The following FAM161A variants were observed in gnomAD, a reference collection of about 807,000 sequenced individuals.
The protein encoded by FAM161A is protein FAM161A.
In FAM161A, 57 loss-of-function variants were observed where a neutral mutation model predicts 70.9. The ratio of observed to expected loss-of-function variants is 0.80; its 90% CI spans 0.65 to 1.00. The LOEUF (loss-of-function observed/expected upper bound fraction) is 1.00, where lower values mean the gene tolerates loss of function less well. Among genes scored for constraint, FAM161A ranks in the 50% least tolerant of loss-of-function variants. The pLI is 0.00. For missense variants in FAM161A, 880 were observed against 836.0 expected (o/e 1.05, Z -0.65); for synonymous variants, 299 against 295.7 (o/e 1.01, Z -0.12).
intron 1 of FAM161A, among the ~76,000 whole-genome samples, chr2:61,843,255 G>A (rs1387436168): frequency 6.6e-6 from 1 of 152,120 alleles, no homozygotes; most frequent in African/African-American, 2.4e-5. Flanking sequence ...AGACTCCCAA[G>A]TAGCTGGGAT....
At chr2:61,813,827 G>T in the FAM161A span, among the ~76,000 whole-genome samples, 1 of 152,100 alleles carries the variant, frequency 6.6e-6, no homozygotes, top group African/African-American at 2.4e-5. Flanking sequence ...TTATGTATTG[G>T]TCGTTCACTC....
downstream of FAM161A, among the ~76,000 whole-genome samples, chr2:61,821,160 C>T (rs972503535): frequency 2.0e-5 from 3 of 151,746 alleles, no homozygotes; most frequent in East Asian, 3.9e-4. Context: ...TCAAGCGATT[C>T]TCCTGCCTCA....
chr2:61,849,982 A>T (rs1433346777), intron 1 of FAM161A, among the ~76,000 whole-genome samples: 1 of 102,718 alleles, frequency 9.7e-6, no homozygotes, highest in African/African-American at 3.7e-5. Context: ...GGAGGGAGGG[A>T]GGGAGGGAGG....
rs141036477 is a variant in FAM161A, at chr2:61,851,514, T to C, written c.183+2345A>G. On this transcript the variant is annotated intron_variant, in intron 1 of 6. Coordinates refer to ENST00000404929, the MANE Select transcript of FAM161A (RefSeq NM_001201543.2). ...CACGTCCGGCTACTTTTTGTATTTT[T>C]AGTAGAGACCGGGTTTTGCCATGTT... Among the ~76,000 whole-genome samples, 811 of 152,246 alleles carry C rather than the reference T, an allele frequency of 5.3e-3. 9 individuals are homozygous for C. The highest frequency in any genetic ancestry group is 0.019 in the African/African-American group (785 of 41,544).
the FAM161A span, among the ~76,000 whole-genome samples, chr2:61,802,614 T>A: frequency 1.3e-5 from 2 of 152,198 alleles, no homozygotes; most frequent in South Asian, 4.1e-4. Flanking sequence ...TCCTATAAAC[T>A]GTTATTGTTG....
At chr2:61,832,628 G>A (rs937827327) in intron 5 of FAM161A, among the ~76,000 whole-genome samples, 14 of 152,202 alleles carry the variant, frequency 9.2e-5, no homozygotes, top group African/African-American at 2.9e-4. Context: ...ACAGCAGGAA[G>A]TGAGCAGTGG....
At chr2:61,812,694 C>T in the FAM161A span, among the ~76,000 whole-genome samples, 1 of 151,890 alleles carries the variant, frequency 6.6e-6, no homozygotes, top group South Asian at 2.1e-4. Flanking sequence ...TACACTCTAC[C>T]CTGGGCAAAA....
Position 61,839,676 on chromosome 2 carries a change from G to A in FAM161A, c.1328C>T (p.Ser443Leu), listed in dbSNP as rs189711603. ...TAAGAGTTTTGGAGACTTGTGTTCT[G>A]AGAGGTGTTTCTGGTATCTCTCAGG... is the stretch of plus-strand genomic sequence containing the variant. ...DLPERYQKHL[S>L]EHKSPKLLTV... The change falls in exon 3 of 7, where the codon TCA becomes TTA. Residue 443 changes from serine to leucine, a missense_variant. By Grantham distance (145) the Ser-to-Leu change is moderately radical. Coordinates refer to ENST00000404929, the MANE Select transcript of FAM161A (RefSeq NM_001201543.2). 11 of 1,614,210 alleles carry A rather than the reference G, an allele frequency of 6.8e-6. No homozygotes were observed. In the Admixed American group the frequency reaches 1.8e-4, roughly 27 times the overall value.
chr2:61,838,747 C>A, intron 3 of FAM161A, 42 bp from the exon 4 acceptor site: 1 of 1,401,114 alleles, frequency 7.1e-7, no homozygotes, highest in South Asian at 1.8e-5. Context: ...TTAAGCCAAT[C>A]AGAATGTTGT....
chr2:61,826,604 G>A lies in FAM161A; in HGVS notation c.2007-5C>T, dbSNP rs1261834022. 6.3e-7 allele frequency: 1 copy of A among 1,599,840 alleles called. No individual in the cohort carries two copies. Among genetic ancestry groups the A allele is most frequent in the Non-Finnish European group, 8.5e-7 (1 of 1,170,176 alleles). The stretch of plus-strand genomic sequence containing the variant: ...ATTTTTTCTTCTTCATTAAAGCTAG[G>A]GGAAGAAATTTATCAATCTTTCAAA... On this transcript the variant is annotated splice_region_variant and splice_polypyrimidine_tract_variant and intron_variant, in intron 6 of 6. Transcript: ENST00000404929.
the FAM161A span, among the ~76,000 whole-genome samples, chr2:61,801,851 G>A: frequency 2.0e-5 from 3 of 152,100 alleles, no homozygotes; most frequent in Admixed American, 1.3e-4. Context: ...GTGAGCCACC[G>A]TGCCCGGCTT....
Position 61,842,013 on chromosome 2 carries a change from G to A in FAM161A, c.422+109C>T, listed in dbSNP as rs1001866804. The A allele has an allele frequency of 7.8e-6, 6 of 770,968 alleles. No individual in the cohort carries two copies. The Admixed American group carries it at 9.1e-5, about 12-fold the overall frequency. The allele number at this position is 770,968 out of a possible 1,614,324, so 47.8% of individuals were successfully genotyped here. ...AAATCCTACCTCTGTATATCGTTGG[G>A]AGTACAAAGGGCTATTTAAGAGAAA... On this transcript the variant is annotated intron_variant, in intron 2 of 6. Transcript: ENST00000404929.
chr2:61,849,175 G>T lies in FAM161A; in HGVS notation c.183+4684C>A, dbSNP rs1168772946. 3.8e-5 allele frequency among the ~76,000 whole-genome samples: 5 copies of T among 131,764 alleles called. No homozygotes were observed. In the Admixed American group the frequency reaches 4.3e-4, roughly 11 times the overall value. 86.4% of individuals were successfully genotyped at this position (131,764 alleles called of 152,430 possible). On this transcript the variant is annotated intron_variant, in intron 1 of 6. Transcript: ENST00000404929. ...ATTTATTTATATATTTATATAGTAT[G>T]TACTGTATATTAAAATATATGGAGG...
chr2:61,849,767 G>A (rs189871696), intron 1 of FAM161A, among the ~76,000 whole-genome samples: 14 of 144,220 alleles, frequency 9.7e-5, no homozygotes, highest in Admixed American at 9.1e-4. Context: ...CCTGGTGACA[G>A]AGCGAGACTC....
In FAM161A at chr2:61,825,224, GAAA is replaced by G. The variant is rs780914371; in HGVS notation, c.*1228_*1230del. 1 of 437,670 alleles carries G rather than the reference GAAA, an allele frequency of 2.3e-6. No individual in the cohort carries two copies. The highest frequency in any genetic ancestry group is 1.7e-5 in the South Asian group (1 of 59,374). The allele number at this position is 437,670 out of a possible 1,614,324, so 27.1% of individuals were successfully genotyped here. A position where few individuals can be genotyped will look rare whatever the true frequency, so the allele number is the denominator to read the frequency against. ...ATTTTAAAACAAAAATTTGCTTAAA[GAAA>G]AAAATATAGATTTATAAAATCAGAT... On this transcript the variant is annotated 3_prime_UTR_variant, in exon 7 of 7. Transcript: ENST00000404929.
At position 61,840,364 on chromosome 2, in the gene FAM161A, A is replaced by G. The variant is rs2105083332; in HGVS notation, c.640T>C (p.Cys214Arg). The G allele has an allele frequency of 6.2e-7, 1 of 1,614,106 alleles. No individual in the cohort carries two copies. The highest frequency in any genetic ancestry group is 8.5e-7 in the Non-Finnish European group (1 of 1,180,034). ...GCTGCATGGAAGCCAGTATCTTTACAGCGAATATAATCCTCAACACAAAAG... is the reference window on the plus strand; with the variant it reads ...GCTGCATGGAAGCCAGTATCTTTACGGCGAATATAATCCTCAACACAAAAG... ...TDFCVEDYIR[C>R]KDTGFHAAEK... The change falls in exon 3 of 7, where the codon TGT becomes CGT. Residue 214 changes from cysteine (C) to arginine (R), a missense_variant. Cys to Arg is a radical substitution (Grantham distance 180). Transcript: ENST00000404929.
intron 1 of FAM161A, among the ~76,000 whole-genome samples, chr2:61,853,004 C>T (rs1302769464): frequency 7.0e-6 from 1 of 142,140 alleles, no homozygotes; most frequent in East Asian, 2.1e-4. Flanking sequence ...CCTCACCTCC[C>T]AAGTTCAAGC....
In FAM161A at chr2:61,842,220, T is replaced by G; in HGVS notation, c.324A>C (p.Glu108Asp). The change falls in exon 2 of 7, where the codon GAA (glutamate) becomes GAC (aspartate). Residue 108 changes from glutamate to aspartate, a missense_variant. Glu to Asp is a conservative substitution (Grantham distance 45). Coordinates refer to ENST00000404929, the MANE Select transcript of FAM161A (RefSeq NM_001201543.2). ...ACATTTTCTCTAATTTTGCCATAGT[T>G]TCTATGTGGGCAGCCTTCAACTCTT... ...KVEELKAAHI[E>D]TMAKLEKMYQ... 2.5e-6 allele frequency: 4 copies of G among 1,613,932 alleles called. No individual in the cohort carries two copies. Among genetic ancestry groups the G allele is most frequent in the Non-Finnish European group, 3.4e-6 (4 of 1,179,784 alleles).
chr2:61,809,210 G>C, the FAM161A span, among the ~76,000 whole-genome samples: 19 of 152,158 alleles, frequency 1.2e-4, no homozygotes, highest in East Asian at 1.9e-3. Flanking sequence ...TTGGCCCCCG[G>C]ACACCACTGC....
Sources: gnomAD v4.1 joint callset for allele counts (sites outside exome capture counted in the v4.1 genomes callset) on GRCh38, gnomAD v4.1.1 for gene constraint, MANE v1.5 for transcripts, NCBI Gene and HGNC (gene_info 2026-07-23, HGNC 2026-07-21) for gene names.